LGALS8: variants seen among roughly 807,000 people sequenced by gnomAD.
The protein encoded by LGALS8 is galectin 8.
A neutral mutation model predicts 35.9 loss-of-function variants in LGALS8; 30 were observed. The observed-to-expected ratio is 0.83, with a 90% confidence interval of 0.62 to 1.13. The LOEUF (loss-of-function observed/expected upper bound fraction) is 1.13, where lower values mean the gene tolerates loss of function less well. LGALS8 is among the 50% of genes most tolerant of loss of function. LGALS8 has a pLI of 0.00. For missense variants in LGALS8, 366 were observed against 388.7 expected, an observed-to-expected ratio of 0.94 and a Z score of 0.49; for synonymous variants, 138 against 136.1, an observed-to-expected ratio of 1.01 and a Z score of -0.10.
chr1:236,526,347 C>T lies in LGALS8; in HGVS notation c.45+232C>T, dbSNP rs1191080233. The T allele has an allele frequency of 8.2e-6, 3 of 367,166 alleles. No homozygotes were observed. The South Asian group carries it at 2.6e-4, about 32-fold the overall frequency. The allele number at this position is 367,166 out of a possible 1,614,324, so 22.7% of individuals were successfully genotyped here. A position where few individuals can be genotyped will look rare whatever the true frequency, so the allele number is the denominator to read the frequency against. The stretch of plus-strand genomic sequence containing the variant: ...ATGAAACAGTGTTATGAACAGGGAA[C>T]GTCTGGGTAGAGTGGAGGGAATGCC... On this transcript the variant is annotated intron_variant, in intron 2 of 9. Coordinates refer to ENST00000366584, the MANE Select transcript of LGALS8 (RefSeq NM_201544.4). This position sits in a 1 kb window ranked among gnomAD's most constrained non-coding sequence, Gnocchi z 4.6.
Position 236,526,287 on chromosome 1 carries a change from A to C in LGALS8, c.45+172A>C. 2.1e-6 allele frequency: 1 copy of C among 477,454 alleles called. No homozygotes were observed. The highest frequency in any genetic ancestry group is 3.1e-5 in the East Asian group (1 of 32,764). 29.6% of individuals were successfully genotyped at this position (477,454 alleles called of 1,614,324 possible). A position where few individuals can be genotyped will look rare whatever the true frequency, so the allele number is the denominator to read the frequency against. On this transcript the variant is annotated intron_variant, in intron 2 of 9. Coordinates refer to ENST00000366584, the MANE Select transcript of LGALS8 (RefSeq NM_201544.4). The surrounding 1 kb of genome is among the most constrained non-coding windows in gnomAD (Gnocchi z 4.6). ...GATTACAAAACAGCTCTTGTCCTCT[A>C]GTGGAGGAAGAAGTCACAATGATAA...
chr1:236,548,593 G>A lies in LGALS8; in HGVS notation c.*432G>A, dbSNP rs1024056260. Reference sequence around the variant, plus strand: ...CGACTCTTCTGTGCGCTACTGCTGCGCACTGCTTTTTCTACAGGCATTACA... The same window carrying A: ...CGACTCTTCTGTGCGCTACTGCTGCACACTGCTTTTTCTACAGGCATTACA... On this transcript the variant is annotated 3_prime_UTR_variant, in exon 10 of 10. Coordinates refer to ENST00000366584, the MANE Select transcript of LGALS8 (RefSeq NM_201544.4). The A allele has an allele frequency of 2.6e-5, 7 of 268,706 alleles. No homozygotes were observed. The highest frequency in any genetic ancestry group is 1.6e-4 in the South Asian group (1 of 6,220). 16.6% of individuals were successfully genotyped at this position (268,706 alleles called of 1,614,324 possible).
intron 2 of LGALS8, among the ~76,000 whole-genome samples, chr1:236,531,604 T>C (rs819417): frequency 0.37 from 55,861 of 151,960 alleles, 10,880 homozygotes; most frequent in South Asian, 0.54. Context: ...GGATTACAGG[T>C]GTGAGCCACC....
chr1:236,522,812 A>C (rs1033126538), upstream of LGALS8, among the ~76,000 whole-genome samples: 2 of 152,194 alleles, frequency 1.3e-5, no homozygotes, highest in African/African-American at 4.8e-5. Flanking sequence ...TTGGATCTTG[A>C]GAAGTGCATC....
intron 3 of LGALS8, among the ~76,000 whole-genome samples, chr1:236,538,107 A>AAAAAAAAAAG (rs1204081676): frequency 1.3e-5 from 2 of 150,818 alleles, no homozygotes; most frequent in African/African-American, 4.9e-5. Context: ...AAGAAAAAGA[A>AAAAAAAAAAG]AAAGAATTAG....
rs990438162 is a variant in LGALS8 at position 236,551,738 on chromosome 1, A to G, written c.*3577A>G. On this transcript the variant is annotated 3_prime_UTR_variant, in exon 10 of 10. Coordinates refer to ENST00000366584, the MANE Select transcript of LGALS8 (RefSeq NM_201544.4). ...GCTTGTATGATCACAAACCACCACAAAAGAAAAGATCGTGAAGATTACACT... is the reference window on the plus strand; with the variant it reads ...GCTTGTATGATCACAAACCACCACAGAAGAAAAGATCGTGAAGATTACACT... 2 of 365,986 alleles carry G rather than the reference A, an allele frequency of 5.5e-6. No homozygotes were observed. The highest frequency in any genetic ancestry group is 7.6e-4 in the Middle Eastern group (1 of 1,310). The allele number at this position is 365,986 out of a possible 1,614,324, so 22.7% of individuals were successfully genotyped here. A position where few individuals can be genotyped will look rare whatever the true frequency, so the allele number is the denominator to read the frequency against.
At position 236,540,620 on chromosome 1, in the gene LGALS8, AAT is replaced by A. The variant is rs1338344976; in HGVS notation, c.404_405del (p.Ile135ArgfsTer17). ...ATGGCCACAGGATCGGCCCAGAGAA[AAT>A]AGACACTCTGGGCATTTATGGCAAA... ...LYGHRIGPEK[I>X]DTLGIYGKVN... On this transcript the variant is annotated frameshift_variant, in exon 5 of 10. Transcript: ENST00000366584. LOFTEE classifies it high-confidence loss of function. The A allele has an allele frequency of 2.5e-6, 4 of 1,611,958 alleles. No individual in the cohort carries two copies. Among genetic ancestry groups the A allele is most frequent in the Non-Finnish European group, 2.5e-6 (3 of 1,179,142 alleles).
rs1288165924 is a variant in LGALS8 at position 236,526,796 on chromosome 1, A to C, written c.45+681A>C. Among the ~76,000 whole-genome samples, 4 of 152,200 alleles carry C rather than the reference A, an allele frequency of 2.6e-5. No homozygotes were observed. The highest frequency in any genetic ancestry group is 5.9e-5 in the Non-Finnish European group (4 of 68,028). ...CAGCCACTTTTTTAGTAAACCGCCT[A>C]GAAGATTCTTGGGCAAAAGGAAGGG... On this transcript the variant is annotated intron_variant, in intron 2 of 9. Coordinates refer to ENST00000366584, the MANE Select transcript of LGALS8 (RefSeq NM_201544.4). The surrounding 1 kb of genome is among the most constrained non-coding windows in gnomAD (Gnocchi z 4.6).
intron 2 of LGALS8, 72 bp from the exon 3 acceptor site, chr1:236,537,423 TGA>T (rs2103088035): frequency 1.2e-6 from 1 of 862,960 alleles, no homozygotes; most frequent in Non-Finnish European, 2.0e-6. Flanking sequence ...CTATCAATAA[TGA>T]GTGTGGGTTG....
intron 3 of LGALS8, 100 bp downstream of exon 3, chr1:236,537,685 A>G: frequency 2.5e-6 from 2 of 815,900 alleles, no homozygotes; most frequent in Non-Finnish European, 2.1e-6. Context: ...TGATACTTTG[A>G]GGCCCAATTA....
In LGALS8 at chr1:236,552,074, G is replaced by C. The variant is rs367618061; in HGVS notation, c.*3913G>C. 6.2e-7 allele frequency: 1 copy of C among 1,613,264 alleles called. No individual in the cohort carries two copies. Among genetic ancestry groups the C allele is most frequent in the African/African-American group, 1.3e-5 (1 of 75,026 alleles). ...TAATTCTCCTTTAGTTTTTCAGCCA[G>C]TGCTAACACAGTAATCAAAGCAGCA... On this transcript the variant is annotated 3_prime_UTR_variant, in exon 10 of 10. Coordinates refer to ENST00000366584, the MANE Select transcript of LGALS8 (RefSeq NM_201544.4).
At chr1:236,524,201 C>A (rs996047835) in intron 1 of LGALS8, 140 bp downstream of exon 1, 50 of 456,208 alleles carry the variant, frequency 1.1e-4, no homozygotes, top group Admixed American at 8.2e-4. Flanking sequence ...AGTGTCCAGT[C>A]CACCCCGACC....
chr1:236,523,898 G>A, upstream of LGALS8: 1 of 349,264 alleles, frequency 2.9e-6, no homozygotes, highest in Non-Finnish European at 5.7e-6. Context: ...CGCGGGGAGG[G>A]TGGGGAGACC....
chr1:236,519,262 G>C (rs1347409693), upstream of LGALS8, among the ~76,000 whole-genome samples: 3 of 151,188 alleles, frequency 2.0e-5, no homozygotes, highest in African/African-American at 7.3e-5. Context: ...ATGGTGGTGT[G>C]CACTTGTAGT....
rs374807086 is a variant in LGALS8 at position 236,534,883 on chromosome 1, A to T, written c.46-2614A>T. Among the ~76,000 whole-genome samples, 14 of 152,142 alleles carry T rather than the reference A, an allele frequency of 9.2e-5. No homozygotes were observed. In the East Asian group the frequency reaches 1.2e-3, roughly 13 times the overall value. ...CCAGACCAGCCCGGCCAACATGGCA[A>T]AACCCCATCTCTCTAAAAGTACAAA... is the stretch of plus-strand genomic sequence containing the variant. On this transcript the variant is annotated intron_variant, in intron 2 of 9. Transcript: ENST00000366584.
chr1:236,533,515 G>A (rs1661268125), intron 2 of LGALS8, among the ~76,000 whole-genome samples: 1 of 151,928 alleles, frequency 6.6e-6, no homozygotes, highest in African/African-American at 2.4e-5. Context: ...TGTATTTTTA[G>A]TAGAGATGGG....
Position 236,552,217 on chromosome 1 carries a change from T to C in LGALS8, c.*4056T>C, listed in dbSNP as rs3189. 0.63 allele frequency: 423,572 copies of C among 668,774 alleles called. 137,592 individuals carry two copies. Among genetic ancestry groups the C allele is most frequent in the Non-Finnish European group, 0.69 (264,484 of 383,678 alleles). 41.4% of individuals were successfully genotyped at this position (668,774 alleles called of 1,614,324 possible). A position where few individuals can be genotyped will look rare whatever the true frequency, so the allele number is the denominator to read the frequency against. ...CTAACTTTTTAAACATTAGTTCACA[T>C]GCGTTTATTCACTTCATTATGTTCA... On this transcript the variant is annotated 3_prime_UTR_variant, in exon 10 of 10. Coordinates refer to ENST00000366584, the MANE Select transcript of LGALS8 (RefSeq NM_201544.4).
intron 9 of LGALS8, among the ~76,000 whole-genome samples, chr1:236,545,391 T>G (rs2103106985): frequency 6.6e-6 from 1 of 152,330 alleles, no homozygotes; most frequent in South Asian, 2.1e-4. Context: ...CTAAAAGGCA[T>G]GCAGTCCTGA....
chr1:236,547,932 C>A, intron 9 of LGALS8, 80 bp from the exon 10 acceptor site: 1 of 1,253,442 alleles, frequency 8.0e-7, no homozygotes, highest in Non-Finnish European at 1.1e-6. Flanking sequence ...AAATGGTTTA[C>A]TCTGACACCG....
Sources: allele counts gnomAD v4.1 joint callset (sites outside exome capture counted in the v4.1 genomes callset), GRCh38; gene constraint gnomAD v4.1.1; non-coding constraint Gnocchi (gnomAD v3.1); transcripts MANE v1.5; gene names NCBI Gene and HGNC (gene_info 2026-07-23, HGNC 2026-07-21).